Variants in LAMB3 observed in about 807,000 individuals in gnomAD.
The protein encoded by LAMB3 is laminin subunit beta-3.
A neutral mutation model predicts 140.3 loss-of-function variants in LAMB3; 104 were observed. The observed-to-expected ratio is 0.74, with a 90% CI of 0.63 to 0.87. The LOEUF is 0.87. Ranked by LOEUF, LAMB3 falls within the 40% of genes least tolerant of loss-of-function variation. LAMB3 has a pLI of 0.00. For missense variants in LAMB3, 1,531 were observed against 1,575.2 expected (o/e 0.97, Z 0.47); for synonymous variants, 592 against 602.9 (o/e 0.98, Z 0.26).
intron 6 of LAMB3, among the ~76,000 whole-genome samples, chr1:209,633,364 A>T (rs966319583): frequency 6.6e-6 from 1 of 152,126 alleles, no homozygotes; most frequent in Admixed American, 6.5e-5. Flanking sequence ...CCAGTTGAAA[A>T]TATAAGTATC....
chr1:209,637,962 C>T lies in LAMB3; in HGVS notation c.318G>A (p.Leu106=). The T allele has an allele frequency of 1.9e-6, 3 of 1,613,188 alleles. No individual in the cohort carries two copies. The highest frequency in any genetic ancestry group is 2.5e-6 in the Non-Finnish European group (3 of 1,179,624). Residue 106 remains leucine (L), a synonymous_variant, in exon 5 of 23, where the codon CTG becomes CTA. Transcript: ENST00000356082. The part of the protein sequence containing the change: ...QSQNDVNPVS[L]QLDLDRRFQL... ...GGAATCTCCTGTCCAGGTCCAGCTG[C>T]AGAGAGACAGGGTTCACATCTGGAA...
rs766901705 is a variant in LAMB3 at position 209,633,108 on chromosome 1, A to T, written c.590T>A (p.Val197Glu). ...ACTTTGAGTTGCTGGAATCCCAGAC[A>T]CTAAATCCATAAGGTTAAGTTGGAC... ...GKVQLNLMDL[V>E]SGIPATQSQK... The change falls in exon 7 of 23, where the codon GTG (valine) becomes GAG (glutamate). Residue 197 changes from valine (V) to glutamate (E), a missense_variant. Transcript: ENST00000356082. 1 of 1,612,934 alleles carries T rather than the reference A, an allele frequency of 6.2e-7. No homozygotes were observed. Among genetic ancestry groups the T allele is most frequent in the Non-Finnish European group, 8.5e-7 (1 of 1,178,890 alleles).
intron 14 of LAMB3, among the ~76,000 whole-genome samples, chr1:209,624,942 A>G (rs1571809081): frequency 7.7e-6 from 1 of 130,326 alleles, no homozygotes; most frequent in Admixed American, 7.7e-5. Flanking sequence ...AAGGAAAAAA[A>G]GGGAAGGAAG....
chr1:209,623,079 C>T lies in LAMB3; in HGVS notation c.2459G>A (p.Gly820Asp). 1.2e-6 allele frequency: 2 copies of T among 1,614,216 alleles called. No individual in the cohort carries two copies. The highest frequency in any genetic ancestry group is 1.7e-6 in the Non-Finnish European group (2 of 1,180,036). Reference sequence around the variant, plus strand: ...GGCCCCACCGGCCCTGGGAAGGACACCCCTGCAGCGGGAGCCACAGGCTGT... The same window carrying T: ...GGCCCCACCGGCCCTGGGAAGGACATCCCTGCAGCGGGAGCCACAGGCTGT... ...NGTACGSRCR[G>D]VLPRAGGAFL... Residue 820 changes from glycine to aspartate, a missense_variant, in exon 17 of 23, where the codon GGT becomes GAT. Coordinates refer to ENST00000356082, the MANE Select transcript of LAMB3 (RefSeq NM_000228.3). This position sits in a 1 kb window ranked among gnomAD's most constrained non-coding sequence, Gnocchi z 4.2.
intron 18 of LAMB3, among the ~76,000 whole-genome samples, chr1:209,620,294 G>C (rs979255478): frequency 2.6e-5 from 4 of 152,188 alleles, no homozygotes; most frequent in Non-Finnish European, 4.4e-5. Context: ...CATGAACAAG[G>C]AAGTACAGCT....
chr1:209,620,859 C>T (rs1367877060), intron 18 of LAMB3, among the ~76,000 whole-genome samples: 1 of 152,208 alleles, frequency 6.6e-6, no homozygotes, highest in Non-Finnish European at 1.5e-5. Flanking sequence ...CCTCCCTCCA[C>T]AGACTTTCCA....
chr1:209,621,614 T>C (rs1666197875), intron 18 of LAMB3, among the ~76,000 whole-genome samples: 1 of 152,238 alleles, frequency 6.6e-6, no homozygotes, highest in Non-Finnish European at 1.5e-5. Context: ...AAACACATTT[T>C]ACATCAGTTA....
At chr1:209,617,358 A>G in intron 21 of LAMB3, 52 bp downstream of exon 21, 1 of 1,573,618 alleles carries the variant, frequency 6.4e-7, no homozygotes, top group Non-Finnish European at 8.7e-7. Flanking sequence ...TCCTCTGCTC[A>G]GGACCCCCTC....
At chr1:209,617,308 G>A in intron 21 of LAMB3, 102 bp downstream of exon 21, 2 of 1,286,168 alleles carry the variant, frequency 1.6e-6, no homozygotes, top group Non-Finnish European at 1.1e-6. Flanking sequence ...GTTATTCTAA[G>A]CACTTTTGAG....
intron 3 of LAMB3, among the ~76,000 whole-genome samples, chr1:209,640,650 A>G (rs942939887): frequency 6.6e-6 from 1 of 151,954 alleles, no homozygotes; most frequent in African/African-American, 2.4e-5. Flanking sequence ...TTCATAGTAC[A>G]TATCTCCACT....
At chr1:209,615,880 C>A (rs142336962) in intron 22 of LAMB3, among the ~76,000 whole-genome samples, 6 of 152,314 alleles carry the variant, frequency 3.9e-5, no homozygotes, top group African/African-American at 1.2e-4. Flanking sequence ...ACACTAGAAG[C>A]CAGGCACAGG....
intron 5 of LAMB3, among the ~76,000 whole-genome samples, chr1:209,635,469 C>G (rs368157078): frequency 5.3e-5 from 8 of 152,302 alleles, no homozygotes; most frequent in African/African-American, 1.9e-4. Flanking sequence ...GTGGTACGAT[C>G]TTGGCTCACT....
chr1:209,618,407 C>G, intron 19 of LAMB3, 45 bp downstream of exon 19: 1 of 1,595,474 alleles, frequency 6.3e-7, no homozygotes, highest in Non-Finnish European at 8.6e-7. Context: ...AGCAAAACGC[C>G]AGCTTAATCC....
chr1:209,617,193 C>T (rs116678460), intron 21 of LAMB3, among the ~76,000 whole-genome samples: 499 of 152,308 alleles, frequency 3.3e-3, no homozygotes, highest in African/African-American at 1.0e-2. Context: ...AGGGACTGGA[C>T]TAGGTCATCT....
intron 3 of LAMB3, among the ~76,000 whole-genome samples, chr1:209,645,003 T>C (rs1011802750): frequency 3.3e-5 from 5 of 152,214 alleles, no homozygotes; most frequent in Non-Finnish European, 5.9e-5. Flanking sequence ...TGTGAGGCCA[T>C]CCAGGTTTGT....
In LAMB3 at chr1:209,615,346, T is replaced by C. The variant is rs374453446; in HGVS notation, c.3444A>G (p.Thr1148=). ...QAIMLRSADL[T]GLEKRVEQIR... Reference sequence around the variant, plus strand: ...TCTGCTCCACACGCTTCTCCAGTCCTGTCAGGTCCGCTGAGCGCAGCATGA... The same window carrying C: ...TCTGCTCCACACGCTTCTCCAGTCCCGTCAGGTCCGCTGAGCGCAGCATGA... Residue 1148 remains threonine (T), a synonymous_variant, in exon 23 of 23, where the codon ACA becomes ACG. Transcript: ENST00000356082. 3.2e-5 allele frequency: 52 copies of C among 1,613,722 alleles called. No homozygotes were observed. Among genetic ancestry groups the C allele is most frequent in the African/African-American group, 4.0e-5 (3 of 74,932 alleles).
Position 209,629,727 on chromosome 1 carries a change from C to A in LAMB3, c.1132+10G>T, listed in dbSNP as rs1666603194. 1.9e-6 allele frequency: 3 copies of A among 1,613,722 alleles called. No individual in the cohort carries two copies. Among genetic ancestry groups the A allele is most frequent in the Non-Finnish European group, 2.5e-6 (3 of 1,179,732 alleles). ...AAATGACACTCTGGGACTCCGGAGC[C>A]TCTACTCACAGATGCAGGTCTCCTG... On this transcript the variant is annotated intron_variant, in intron 10 of 22. Transcript: ENST00000356082.
chr1:209,649,424 C>G (rs1279110200), intron 3 of LAMB3, among the ~76,000 whole-genome samples: 1 of 152,230 alleles, frequency 6.6e-6, no homozygotes, highest in Non-Finnish European at 1.5e-5. Context: ...AAAGCCATGA[C>G]TAACAGGCAA....
rs912282068 is a variant in LAMB3, at chr1:209,626,158, G to A, written c.1598-132C>T. 1.7e-5 allele frequency: 17 copies of A among 999,024 alleles called. No individual in the cohort carries two copies. In the African/African-American group the frequency reaches 2.8e-4, roughly 16 times the overall value. The allele number at this position is 999,024 out of a possible 1,614,324, so 61.9% of individuals were successfully genotyped here. On this transcript the variant is annotated intron_variant, in intron 13 of 22. Coordinates refer to ENST00000356082, the MANE Select transcript of LAMB3 (RefSeq NM_000228.3). ...CTTAGAATAACAGAAGTCGCAGCCAGAATAAAAGCCATGGTAACAGCTGCA... is the reference window on the plus strand; with the variant it reads ...CTTAGAATAACAGAAGTCGCAGCCAAAATAAAAGCCATGGTAACAGCTGCA...
Sources: allele counts gnomAD v4.1 joint callset (sites outside exome capture counted in the v4.1 genomes callset), GRCh38; gene constraint gnomAD v4.1.1; non-coding constraint Gnocchi (gnomAD v3.1); transcripts MANE v1.5; gene names NCBI Gene and HGNC (gene_info 2026-07-23, HGNC 2026-07-21).